FANCI: variants seen among roughly 807,000 people sequenced by gnomAD.
The protein encoded by FANCI is FA complementation group I, also known as Fanconi anemia group I protein.
Under a neutral mutation model 176.1 loss-of-function variants are expected in FANCI, and 156 were observed. That is an observed-to-expected ratio of 0.89 (90% CI 0.78 to 1.01). FANCI has a LOEUF of 1.01. Among genes scored for constraint, FANCI ranks in the 50% least tolerant of loss-of-function variants. The probability of loss-of-function intolerance (pLI) is 0.00; values close to 1 mark genes in which losing one functional copy is unlikely to be tolerated. For missense variants in FANCI, 1,678 were observed against 1,534.1 expected (o/e 1.09, Z -1.57); for synonymous variants, 613 against 541.7 (o/e 1.13, Z -1.83).
chr15:89,247,552 G>C, intron 1 of FANCI, 77 bp from the exon 2 acceptor site: 1 of 1,015,822 alleles, frequency 9.8e-7, no homozygotes, highest in Admixed American at 1.7e-5. Context: ...GAAATATTCA[G>C]TTAACAGGGA....
chr15:89,248,014 T>C (rs1177323284), intron 2 of FANCI, among the ~76,000 whole-genome samples: 1 of 152,254 alleles, frequency 6.6e-6, no homozygotes, highest in Non-Finnish European at 1.5e-5. Flanking sequence ...AGTATACTTT[T>C]ATGGTCCTCA....
Position 89,307,494 on chromosome 15 carries a change from A to C in FANCI, c.3556A>C (p.Ser1186Arg). Reference protein sequence around the residue: ...LVRYYLQVCQSSGGIPKNMEK... With the variant: ...LVRYYLQVCQRSGGIPKNMEK... ...TTATTAGTATCTCCAGGTGTGTCAGAGCTCCGGAGGAATTCCAAAAAATAT... is the reference window on the plus strand; with the variant it reads ...TTATTAGTATCTCCAGGTGTGTCAGCGCTCCGGAGGAATTCCAAAAAATAT... The change falls in exon 33 of 38, where the codon AGC becomes CGC. Residue 1186 changes from serine to arginine, a missense_variant. Coordinates refer to ENST00000310775, the MANE Select transcript of FANCI (RefSeq NM_001113378.2). The C allele has an allele frequency of 6.2e-7, 1 of 1,614,168 alleles. No homozygotes were observed. Among genetic ancestry groups the C allele is most frequent in the Non-Finnish European group, 8.5e-7 (1 of 1,180,026 alleles).
At chr15:89,306,520 C>T (rs1425139070) in intron 32 of FANCI, among the ~76,000 whole-genome samples, 4 of 151,884 alleles carry the variant, frequency 2.6e-5, no homozygotes, top group African/African-American at 4.8e-5. Flanking sequence ...GGTGAAACCC[C>T]GTCTCTACTA....
intron 3 of FANCI, 140 bp from the exon 4 acceptor site, chr15:89,260,573 C>G: frequency 9.2e-7 from 1 of 1,084,462 alleles, no homozygotes; most frequent in Non-Finnish European, 1.4e-6. Flanking sequence ...AGCCCTTAAC[C>G]ATTGCTGTTC....
chr15:89,299,019 C>T (rs1032428080), intron 24 of FANCI, among the ~76,000 whole-genome samples: 1 of 151,862 alleles, frequency 6.6e-6, no homozygotes, highest in Non-Finnish European at 1.5e-5. Context: ...AAAAAAAATA[C>T]AAAAATTAGC....
intron 2 of FANCI, among the ~76,000 whole-genome samples, chr15:89,248,154 A>G (rs565987652): frequency 1.3e-5 from 2 of 152,318 alleles, no homozygotes; most frequent in Admixed American, 6.5e-5. Flanking sequence ...TTTTGAAATT[A>G]TTAGTAAAAA....
chr15:89,316,968 G>T lies in FANCI; in HGVS notation c.*509G>T. 1.4e-6 allele frequency: 1 copy of T among 700,616 alleles called. No individual in the cohort carries two copies. 43.4% of individuals were successfully genotyped at this position (700,616 alleles called of 1,614,324 possible). A position where few individuals can be genotyped will look rare whatever the true frequency, so the allele number is the denominator to read the frequency against. On this transcript the variant is annotated 3_prime_UTR_variant, in exon 38 of 38. Coordinates refer to ENST00000310775, the MANE Select transcript of FANCI (RefSeq NM_001113378.2). Reference sequence around the variant, plus strand: ...ATTGCCACGAACGGTAATGTTACATGTTAGGAGGGTCTGTTTTCTTTTTAT... The same window carrying T: ...ATTGCCACGAACGGTAATGTTACATTTTAGGAGGGTCTGTTTTCTTTTTAT...
chr15:89,286,977 C>CTTTTTTTTTTTTTTTTTTTT lies in FANCI; in HGVS notation c.1821+1761_1821+1780dup, dbSNP rs543431700. On this transcript the variant is annotated intron_variant, in intron 18 of 37. Transcript: ENST00000310775. ...TCAGCATTTGCTGCTTCACCTTGCA[C>CTTTTTTTTTTTTTTTTTTTT]TTTTTTTTTTTTTTTTTTTTTGAGT... Among the ~76,000 whole-genome samples, 130 of 86,032 alleles carry CTTTTTTTTTTTTTTTTTTTT rather than the reference C, an allele frequency of 1.5e-3. 16 individuals carry two copies. Among genetic ancestry groups the CTTTTTTTTTTTTTTTTTTTT allele is most frequent in the African/African-American group, 5.7e-3 (120 of 21,174 alleles). The allele number at this position is 86,032 out of a possible 152,430, so 56.4% of individuals were successfully genotyped here.
intron 9 of FANCI, among the ~76,000 whole-genome samples, chr15:89,267,302 G>A (rs1440738461): frequency 6.6e-6 from 1 of 150,578 alleles, no homozygotes. Context: ...CCTGGGCAAT[G>A]GGAGTGAATC....
At chr15:89,258,900 A>G (rs2052606409) in intron 3 of FANCI, 124 bp downstream of exon 3, 2 of 770,240 alleles carry the variant, frequency 2.6e-6, no homozygotes, top group Non-Finnish European at 4.5e-6. Flanking sequence ...AGGATTCTAC[A>G]GAATCAACTA....
rs1167697900 is a variant in FANCI, at chr15:89,298,481, G to GT, written c.2637-1318dup. On this transcript the variant is annotated intron_variant, in intron 24 of 37. Coordinates refer to ENST00000310775, the MANE Select transcript of FANCI (RefSeq NM_001113378.2). ...TGTCAAAAGATATGATCCAGCCAAA[G>GT]TGCTATTGAGGAAATTAAAGCAGTT... 3.3e-5 allele frequency among the ~76,000 whole-genome samples: 5 copies of GT among 152,130 alleles called. No homozygotes were observed. The East Asian group carries it at 9.6e-4, about 29-fold the overall frequency.
chr15:89,267,087 G>GA (rs916305544), intron 9 of FANCI, among the ~76,000 whole-genome samples: 1 of 152,048 alleles, frequency 6.6e-6, no homozygotes, highest in Non-Finnish European at 1.5e-5. Flanking sequence ...TTGGGAGGCC[G>GA]AGGCAGGCAG....
chr15:89,307,823 T>G, intron 34 of FANCI, 151 bp downstream of exon 34: 1 of 1,522,880 alleles, frequency 6.6e-7, no homozygotes, highest in Non-Finnish European at 8.8e-7. Context: ...AAGCCAAGGC[T>G]TGAGGGCTTT....
At chr15:89,261,973 CCTT>C (rs985771344) in intron 6 of FANCI, 95 bp downstream of exon 6, 78 of 1,112,186 alleles carry the variant, frequency 7.0e-5, no homozygotes, top group East Asian at 5.9e-4. Context: ...GGTTTTAAGT[CCTT>C]CTTTTTTGTT....
Position 89,316,524 on chromosome 15 carries a change from T to C in FANCI, c.*65T>C. 1 of 1,498,302 alleles carries C rather than the reference T, an allele frequency of 6.7e-7. No individual in the cohort carries two copies. Among genetic ancestry groups the C allele is most frequent in the Non-Finnish European group, 9.2e-7 (1 of 1,091,638 alleles). The allele number at this position is 1,498,302 out of a possible 1,614,324, so 92.8% of individuals were successfully genotyped here. A position where few individuals can be genotyped will look rare whatever the true frequency, so the allele number is the denominator to read the frequency against. On this transcript the variant is annotated 3_prime_UTR_variant, in exon 38 of 38. Transcript: ENST00000310775. Reference sequence around the variant, plus strand: ...TTCATTTTTACCCAACAAGCAACAATGCCCCTTGTCCTGTAGTCCACACCG... The same window carrying C: ...TTCATTTTTACCCAACAAGCAACAACGCCCCTTGTCCTGTAGTCCACACCG...
Position 89,254,525 on chromosome 15 carries a change from A to T in FANCI, c.85-4179A>T, listed in dbSNP as rs1394565598. 1.4e-4 allele frequency among the ~76,000 whole-genome samples: 21 copies of T among 152,226 alleles called. No individual in the cohort carries two copies. The East Asian group carries it at 4.0e-3, about 29-fold the overall frequency. The stretch of plus-strand genomic sequence containing the variant: ...GAACCATTGAAAAATACAGAGATTT[A>T]TAAGTCCATACTCATAATTAATAAA... On this transcript the variant is annotated intron_variant, in intron 2 of 37. Coordinates refer to ENST00000310775, the MANE Select transcript of FANCI (RefSeq NM_001113378.2).
chr15:89,315,478 A>G (rs2055194473), intron 37 of FANCI, 89 bp downstream of exon 37: 1 of 880,278 alleles, frequency 1.1e-6, no homozygotes, highest in African/African-American at 1.6e-5. Flanking sequence ...GTGGAAGGGC[A>G]ACAGAATGGG....
In FANCI at chr15:89,247,641, A is replaced by C; in HGVS notation, c.-7A>C. On this transcript the variant is annotated 5_prime_UTR_variant, in exon 2 of 38. Coordinates refer to ENST00000310775, the MANE Select transcript of FANCI (RefSeq NM_001113378.2). The stretch of plus-strand genomic sequence containing the variant: ...TTTTCCCTTGTAGTTCTGTGATATG[A>C]GCAACAATGGACCAGAAGATTTTAT... The C allele has an allele frequency of 1.2e-6, 2 of 1,613,380 alleles. No homozygotes were observed. The highest frequency in any genetic ancestry group is 1.7e-6 in the Non-Finnish European group (2 of 1,179,396).
chr15:89,270,346 A>G (rs2053153245), intron 10 of FANCI, among the ~76,000 whole-genome samples: 2 of 152,174 alleles, frequency 1.3e-5, no homozygotes, highest in African/African-American at 2.4e-5. Flanking sequence ...TTATAGGTAC[A>G]TATGTATCCC....
Sources: gnomAD v4.1 joint callset for allele counts (sites outside exome capture counted in the v4.1 genomes callset) on GRCh38, gnomAD v4.1.1 for gene constraint, MANE v1.5 for transcripts, NCBI Gene and HGNC (gene_info 2026-07-23, HGNC 2026-07-21) for gene names.